MEMO1: variants seen among roughly 807,000 people sequenced by gnomAD.
MEMO1 encodes mediator of cell motility 1.
Under a neutral mutation model 45.2 loss-of-function variants are expected in MEMO1, and 6 were observed. The ratio of observed to expected loss-of-function variants is 0.13; its 90% CI spans 0.07 to 0.26. MEMO1 has a LOEUF of 0.26. Among genes scored for constraint, MEMO1 ranks in the 10% least tolerant of loss-of-function variants. The pLI, the probability that MEMO1 is intolerant of heterozygous loss-of-function variation, is 1.00. For synonymous variants in MEMO1, 78 were observed against 124.3 expected (o/e 0.63, Z 2.48); for missense variants, 184 against 370.5 (o/e 0.50, Z 4.13).
At chr2:31,923,711 A>C (rs983228789) in intron 4 of MEMO1, 2 of 1,547,770 alleles carry the variant, frequency 1.3e-6, no homozygotes, top group East Asian at 2.5e-5. Flanking sequence ...AAGGATATTT[A>C]ACATCAGAGC....
At chr2:31,955,624 T>C (rs1423612573) in intron 2 of MEMO1, among the ~76,000 whole-genome samples, 5 of 152,204 alleles carry the variant, frequency 3.3e-5, no homozygotes, top group Admixed American at 3.3e-4. Context: ...TTTTCTTTTT[T>C]TGTGACAGAG....
intron 1 of MEMO1, among the ~76,000 whole-genome samples, chr2:32,010,733 A>C (rs1403977434): frequency 2.7e-5 from 3 of 109,284 alleles, no homozygotes; most frequent in Admixed American, 8.4e-5. Context: ...AGGGCCCTCC[A>C]GCCCGGCCGC....
chr2:31,953,478 C>T (rs1466987458), intron 2 of MEMO1, among the ~76,000 whole-genome samples: 14 of 146,306 alleles, frequency 9.6e-5, no homozygotes, highest in South Asian at 2.2e-4. Flanking sequence ...TTTTTTGAGA[C>T]GGAGTCTCGC....
At chr2:31,870,669 T>A (rs1300579627) in intron 8 of MEMO1, among the ~76,000 whole-genome samples, 1 of 152,114 alleles carries the variant, frequency 6.6e-6, no homozygotes, top group Non-Finnish European at 1.5e-5. Flanking sequence ...CCCTGCCTCC[T>A]GGGTTCAAGC....
chr2:31,908,497 G>A (rs978750844), intron 6 of MEMO1, among the ~76,000 whole-genome samples: 1 of 152,022 alleles, frequency 6.6e-6, no homozygotes, highest in African/African-American at 2.4e-5. Flanking sequence ...ATCTATCTGA[G>A]AATTGAGGTG....
At chr2:32,002,184 T>TACACACAC (rs1468566168) in intron 2 of MEMO1, among the ~76,000 whole-genome samples, 3 of 116,956 alleles carry the variant, frequency 2.6e-5, no homozygotes, top group South Asian at 5.4e-4. Context: ...TATATATATA[T>TACACACAC]ATACACACAC....
intron 2 of MEMO1, among the ~76,000 whole-genome samples, chr2:31,990,167 G>A (rs1572909011): frequency 6.6e-6 from 1 of 152,020 alleles, no homozygotes; most frequent in East Asian, 1.9e-4. Flanking sequence ...ATCTGGGTGA[G>A]GCCAGATTTT....
intron 8 of MEMO1, among the ~76,000 whole-genome samples, chr2:31,880,114 C>T (rs1041087066): frequency 1.3e-5 from 2 of 152,204 alleles, no homozygotes; most frequent in African/African-American, 4.8e-5. Context: ...TATGTTTTCT[C>T]TTCTTTATGT....
At chr2:31,950,431 T>G (rs1666713049) in intron 2 of MEMO1, among the ~76,000 whole-genome samples, 2 of 149,964 alleles carry the variant, frequency 1.3e-5, no homozygotes, top group Admixed American at 6.7e-5. Context: ...TAAAAGGTAT[T>G]TCTTTGGCTG....
rs139014394 is a variant in MEMO1 at position 31,873,138 on chromosome 2, G to A, written c.658-3186C>T. ...TATTTCTTAAAAGAGTAGAAGATAT[G>A]ATCAGTAAGTCTAAAGTCCAGGCAA... is the stretch of plus-strand genomic sequence containing the variant. On this transcript the variant is annotated intron_variant, in intron 8 of 9. Transcript: ENST00000404530. Among the ~76,000 whole-genome samples, 407 of 152,268 alleles carry A rather than the reference G, an allele frequency of 2.7e-3. 6 individuals carry two copies. The highest frequency in any genetic ancestry group is 9.2e-3 in the African/African-American group (381 of 41,564).
At chr2:31,916,662 A>C (rs1681489699) in intron 6 of MEMO1, among the ~76,000 whole-genome samples, 1 of 152,232 alleles carries the variant, frequency 6.6e-6, no homozygotes, top group Non-Finnish European at 1.5e-5. Context: ...TTCAAGAAGT[A>C]ATATATATGG....
At chr2:31,885,065 T>C (rs1457350805) in intron 7 of MEMO1, among the ~76,000 whole-genome samples, 1 of 152,206 alleles carries the variant, frequency 6.6e-6, no homozygotes, top group East Asian at 1.9e-4. Context: ...TATATATTAA[T>C]ACTTCATACA....
chr2:31,889,535 T>C (rs566208104), intron 7 of MEMO1, among the ~76,000 whole-genome samples: 2 of 152,168 alleles, frequency 1.3e-5, no homozygotes, highest in Non-Finnish European at 2.9e-5. Flanking sequence ...CACTACAATA[T>C]GAATGTGAGA....
chr2:31,938,975 G>A (rs1325894677), intron 3 of MEMO1, among the ~76,000 whole-genome samples: 2 of 151,304 alleles, frequency 1.3e-5, no homozygotes, highest in Non-Finnish European at 2.9e-5. Flanking sequence ...TTTGTAGAGG[G>A]GGTTTCGCCA....
chr2:31,892,837 A>G lies in MEMO1; in HGVS notation c.438-703T>C, dbSNP rs544273020. Reference sequence around the variant, plus strand: ...TCCACAAGTCCCTTTTTCACTCTACAGATTGACAGATTTATGGAAAAGAAA... The same window carrying G: ...TCCACAAGTCCCTTTTTCACTCTACGGATTGACAGATTTATGGAAAAGAAA... On this transcript the variant is annotated intron_variant, in intron 6 of 9. Transcript: ENST00000404530. 1.8e-3 allele frequency among the ~76,000 whole-genome samples: 276 copies of G among 152,352 alleles called. 1 individual carries two copies. Among genetic ancestry groups the G allele is most frequent in the African/African-American group, 6.4e-3 (267 of 41,580 alleles).
chr2:31,982,831 C>T (rs1046091859), intron 2 of MEMO1, among the ~76,000 whole-genome samples: 37 of 151,870 alleles, frequency 2.4e-4, no homozygotes, highest in African/African-American at 8.0e-4. Flanking sequence ...TGGGTGGGAG[C>T]CAGGTTTCTC....
intron 2 of MEMO1, among the ~76,000 whole-genome samples, chr2:31,973,461 G>GA (rs942449512): frequency 2.4e-4 from 33 of 138,758 alleles, no homozygotes; most frequent in African/African-American, 4.5e-4. Flanking sequence ...CTCGGGAAGA[G>GA]AAAAAAAAAA....
chr2:31,940,798 G>T (rs949442676), intron 3 of MEMO1, among the ~76,000 whole-genome samples: 6 of 152,148 alleles, frequency 3.9e-5, no homozygotes, highest in African/African-American at 1.4e-4. Context: ...CTCCCAAAGG[G>T]CTGGGATTAC....
intron 2 of MEMO1, among the ~76,000 whole-genome samples, chr2:32,005,605 A>G (rs892130612): frequency 2.0e-5 from 3 of 152,014 alleles, no homozygotes; most frequent in African/African-American, 7.2e-5. Flanking sequence ...ATCCCTTCCT[A>G]CCACCAAGAT....
Sources: allele counts gnomAD v4.1 joint callset (sites outside exome capture counted in the v4.1 genomes callset), GRCh38; gene constraint gnomAD v4.1.1; transcripts MANE v1.5; gene names NCBI Gene and HGNC (gene_info 2026-07-23, HGNC 2026-07-21).